AHCYL2: variants seen among roughly 807,000 people sequenced by gnomAD.
AHCYL2 encodes the protein adenosylhomocysteinase like 2, also known as S-adenosylhomocysteine hydrolase-like protein 2.
In AHCYL2, 28 loss-of-function variants were observed where a neutral mutation model predicts 81.4. That is an observed-to-expected ratio of 0.34 (90% CI 0.25 to 0.47). The LOEUF is 0.47. Ranked by LOEUF, AHCYL2 falls within the 20% of genes least tolerant of loss-of-function variation. AHCYL2 has a pLI of 1.00. For synonymous variants in AHCYL2, 272 were observed against 290.2 expected (o/e 0.94, Z 0.64); for missense variants, 551 against 785.1 (o/e 0.70, Z 3.56).
At chr7:129,244,279 C>T (rs1309440966) in intron 1 of AHCYL2, among the ~76,000 whole-genome samples, 1 of 151,762 alleles carries the variant, frequency 6.6e-6, no homozygotes, top group Non-Finnish European at 1.5e-5. Flanking sequence ...GCTGGAATTA[C>T]AGGCATGAGC....
chr7:129,347,636 G>GT (rs1188657279), intron 1 of AHCYL2, among the ~76,000 whole-genome samples: 14 of 151,742 alleles, frequency 9.2e-5, no homozygotes, highest in Non-Finnish European at 1.8e-4. Context: ...TCTGTTTTTT[G>GT]TTTTTTTGGT....
intron 1 of AHCYL2, among the ~76,000 whole-genome samples, chr7:129,341,222 G>A (rs1468725253): frequency 6.6e-6 from 1 of 152,234 alleles, no homozygotes; most frequent in East Asian, 1.9e-4. Flanking sequence ...TTTTAGAGAA[G>A]TGACAAGACA....
Position 129,358,703 on chromosome 7 carries a change from G to A in AHCYL2, c.364-20935G>A, listed in dbSNP as rs145677737. Among the ~76,000 whole-genome samples the A allele has an allele frequency of 6.5e-3, 997 of 152,254 alleles. 6 individuals carry two copies. Among genetic ancestry groups the A allele is most frequent in the Non-Finnish European group, 0.011 (765 of 68,024 alleles). On this transcript the variant is annotated intron_variant, in intron 1 of 16. Transcript: ENST00000325006. ...GTTGCACAATGTGAATGTACTTAAT[G>A]CCACTGAACTGTATACTTAAAAATG... is the stretch of plus-strand genomic sequence containing the variant.
intron 1 of AHCYL2, among the ~76,000 whole-genome samples, chr7:129,290,500 C>T (rs1031454178): frequency 1.6e-5 from 1 of 61,514 alleles, no homozygotes; most frequent in Admixed American, 1.7e-4. Context: ...GACTCTGTCT[C>T]AAAAAAAAAA....
At chr7:129,421,171 G>A (rs1797100645) in intron 12 of AHCYL2, among the ~76,000 whole-genome samples, 1 of 151,312 alleles carries the variant, frequency 6.6e-6, no homozygotes, top group Non-Finnish European at 1.5e-5. Flanking sequence ...AGAATCGCTT[G>A]AACCCAGGAG....
At chr7:129,410,193 T>C in intron 11 of AHCYL2, 1 of 1,612,560 alleles carries the variant, frequency 6.2e-7, no homozygotes, top group Non-Finnish European at 8.5e-7. Context: ...TCATTGATCA[T>C]TTGTTCCCGG....
intron 1 of AHCYL2, among the ~76,000 whole-genome samples, chr7:129,353,650 T>C (rs536175822): frequency 5.4e-4 from 81 of 148,714 alleles, no homozygotes; most frequent in African/African-American, 1.8e-3. Context: ...AGGAATATCA[T>C]ACAGTGACGC....
chr7:129,269,255 A>G (rs1245668845), intron 1 of AHCYL2, among the ~76,000 whole-genome samples: 1 of 149,538 alleles, frequency 6.7e-6, no homozygotes, highest in African/African-American at 2.5e-5. Context: ...ACTGAGTCCT[A>G]CTGGGACCAC....
intron 1 of AHCYL2, among the ~76,000 whole-genome samples, chr7:129,226,761 C>G (rs549081327): frequency 3.3e-5 from 5 of 152,218 alleles, no homozygotes; most frequent in African/African-American, 1.2e-4. Context: ...TGAAACTCCT[C>G]TGGGAAGAAT....
At chr7:129,396,889 C>G (rs1363700328) in intron 4 of AHCYL2, among the ~76,000 whole-genome samples, 1 of 152,218 alleles carries the variant, frequency 6.6e-6, no homozygotes, top group Non-Finnish European at 1.5e-5. Flanking sequence ...GGGAGCTTCT[C>G]TTGTAGCTTT....
chr7:129,400,501 CTGA>C (rs2150928132), intron 6 of AHCYL2, 117 bp downstream of exon 6: 1 of 876,648 alleles, frequency 1.1e-6, no homozygotes, highest in East Asian at 2.5e-5. Context: ...TCATTTCTAT[CTGA>C]TATACCTGGG....
chr7:129,356,582 T>A (rs973650145), intron 1 of AHCYL2, among the ~76,000 whole-genome samples: 3 of 152,208 alleles, frequency 2.0e-5, no homozygotes, highest in African/African-American at 7.2e-5. Context: ...AACATAGGCA[T>A]CTTTGATGAG....
At chr7:129,345,035 A>T (rs916930765) in intron 1 of AHCYL2, among the ~76,000 whole-genome samples, 1 of 152,128 alleles carries the variant, frequency 6.6e-6, no homozygotes, top group Non-Finnish European at 1.5e-5. Flanking sequence ...GGTGCCTGTA[A>T]TCCCAGCTAC....
Position 129,368,118 on chromosome 7 carries a change from C to T in AHCYL2, c.364-11520C>T. ...AGAGAATTCACAAGTGCCTCACACA[C>T]AGGGAAAGAAGGAAGTCCAACTATT... On this transcript the variant is annotated intron_variant, in intron 1 of 16. Coordinates refer to ENST00000325006, the MANE Select transcript of AHCYL2 (RefSeq NM_015328.4). The surrounding 1 kb of genome is among the most constrained non-coding windows in gnomAD (Gnocchi z 4.4). The T allele has an allele frequency of 9.7e-7, 1 of 1,028,294 alleles. No individual in the cohort carries two copies. The highest frequency in any genetic ancestry group is 1.2e-6 in the Non-Finnish European group (1 of 857,248). The allele number at this position is 1,028,294 out of a possible 1,614,324, so 63.7% of individuals were successfully genotyped here. A position where few individuals can be genotyped will look rare whatever the true frequency, so the allele number is the denominator to read the frequency against.
chr7:129,368,193 A>C lies in AHCYL2; in HGVS notation c.364-11445A>C. 8.2e-7 allele frequency: 1 copy of C among 1,216,798 alleles called. No homozygotes were observed. Among genetic ancestry groups the C allele is most frequent in the Non-Finnish European group, 1.0e-6 (1 of 971,918 alleles). 75.4% of individuals were successfully genotyped at this position (1,216,798 alleles called of 1,614,324 possible). Reference sequence around the variant, plus strand: ...GGTGCGGGTAGAGTGTTTGGGTAGCATTAAAACAGTGAGTGCCCTGTGAGA... The same window carrying C: ...GGTGCGGGTAGAGTGTTTGGGTAGCCTTAAAACAGTGAGTGCCCTGTGAGA... On this transcript the variant is annotated intron_variant, in intron 1 of 16. Coordinates refer to ENST00000325006, the MANE Select transcript of AHCYL2 (RefSeq NM_015328.4). The surrounding 1 kb of genome is among the most constrained non-coding windows in gnomAD (Gnocchi z 4.4).
rs531350517 is a variant in AHCYL2 at position 129,418,383 on chromosome 7, T to C, written c.1462-4457T>C. Among the ~76,000 whole-genome samples the C allele has an allele frequency of 8.5e-5, 13 of 152,254 alleles. No homozygotes were observed. The East Asian group carries it at 2.3e-3, about 27-fold the overall frequency. The stretch of plus-strand genomic sequence containing the variant: ...GGTGCAATCTCGGCTCACTGCAACC[T>C]CCGCCTCTTTGGTTTAAGCAATTCT... On this transcript the variant is annotated intron_variant, in intron 12 of 16. Coordinates refer to ENST00000325006, the MANE Select transcript of AHCYL2 (RefSeq NM_015328.4).
chr7:129,231,672 T>C (rs1024517733), intron 1 of AHCYL2, among the ~76,000 whole-genome samples: 9 of 152,220 alleles, frequency 5.9e-5, no homozygotes, highest in African/African-American at 2.2e-4. Context: ...AGAGGTTTAG[T>C]AAACTTGATC....
intron 1 of AHCYL2, among the ~76,000 whole-genome samples, chr7:129,232,624 C>G (rs943522597): frequency 5.9e-5 from 9 of 152,240 alleles, no homozygotes; most frequent in African/African-American, 2.2e-4. Context: ...TCAGCTGATT[C>G]AGTCCCTCAA....
intron 1 of AHCYL2, among the ~76,000 whole-genome samples, chr7:129,343,237 T>C (rs1360930493): frequency 6.6e-6 from 1 of 152,218 alleles, no homozygotes; most frequent in African/African-American, 2.4e-5. Flanking sequence ...AAAGCTCATC[T>C]TTCTTGCTTG....
Sources: gnomAD v4.1 joint callset for allele counts (sites outside exome capture counted in the v4.1 genomes callset) on GRCh38, gnomAD v4.1.1 for gene constraint, Gnocchi (gnomAD v3.1) non-coding constraint, MANE v1.5 for transcripts, NCBI Gene and HGNC (gene_info 2026-07-23, HGNC 2026-07-21) for gene names.